ZBTB38: variants seen among roughly 807,000 people sequenced by gnomAD.
ZBTB38 encodes the protein zinc finger and BTB domain containing 38, also known as zinc finger and BTB domain-containing protein 38.
ZBTB38 carries 20 observed loss-of-function variants against 76.8 expected under a neutral mutation model. That is an observed-to-expected ratio of 0.26 (90% confidence interval 0.18 to 0.38). ZBTB38 has a LOEUF of 0.38. Among genes scored for constraint, ZBTB38 ranks in the 10% least tolerant of loss-of-function variants. The pLI is 1.00. For synonymous variants in ZBTB38, 504 were observed against 544.2 expected, an observed-to-expected ratio of 0.93 and a Z score of 1.03; for missense variants, 1,082 against 1,482.3, an observed-to-expected ratio of 0.73 and a Z score of 4.43.
At chr3:141,431,087 C>G (rs2077388841) in intron 5 of ZBTB38, among the ~76,000 whole-genome samples, 1 of 151,870 alleles carries the variant, frequency 6.6e-6, no homozygotes, top group African/African-American at 2.4e-5. Flanking sequence ...CTTTGGGAGG[C>G]CGAGGCAGGA....
intron 5 of ZBTB38, among the ~76,000 whole-genome samples, chr3:141,412,850 G>A (rs188010101): frequency 6.6e-5 from 10 of 151,940 alleles, no homozygotes; most frequent in Admixed American, 6.6e-5. Context: ...TGAAACACTG[G>A]CCAGAGTTTT....
chr3:141,419,962 G>A (rs575983475), intron 5 of ZBTB38, among the ~76,000 whole-genome samples: 1 of 152,286 alleles, frequency 6.6e-6, no homozygotes, highest in South Asian at 2.1e-4. Flanking sequence ...ACTCCAGCAT[G>A]GGCGACAAGA....
At chr3:141,402,492 C>CG (rs1952459548) in intron 4 of ZBTB38, 1 of 147,578 alleles carries the variant, frequency 6.8e-6, no homozygotes, top group African/African-American at 2.6e-5. Flanking sequence ...GGGGGCGGGG[C>CG]GGGGCGAGGC....
intron 5 of ZBTB38, among the ~76,000 whole-genome samples, chr3:141,432,554 C>T (rs1289530644): frequency 9.2e-5 from 14 of 152,274 alleles, no homozygotes; most frequent in Non-Finnish European, 2.1e-4. Context: ...TGTCTTAGAG[C>T]TTTACTAATA....
At chr3:141,329,866 C>G (rs757948718) in intron 1 of ZBTB38, among the ~76,000 whole-genome samples, 1 of 151,360 alleles carries the variant, frequency 6.6e-6, no homozygotes, top group Non-Finnish European at 1.5e-5. Flanking sequence ...CGGTGGCTCA[C>G]GCCTGTAATC....
At chr3:141,440,532 TAAA>T (rs2079889723) in intron 5 of ZBTB38, among the ~76,000 whole-genome samples, 1 of 152,228 alleles carries the variant, frequency 6.6e-6, no homozygotes. Context: ...CACTGAGAGT[TAAA>T]GAAGTATCAT....
At chr3:141,440,990 T>A (rs1000768509) in intron 5 of ZBTB38, among the ~76,000 whole-genome samples, 5 of 138,942 alleles carry the variant, frequency 3.6e-5, no homozygotes, top group African/African-American at 1.4e-4. Flanking sequence ...GCTGAGATCA[T>A]GCCATTGCAC....
At chr3:141,332,388 C>T (rs963950947) in intron 1 of ZBTB38, among the ~76,000 whole-genome samples, 8 of 152,138 alleles carry the variant, frequency 5.3e-5, no homozygotes, top group African/African-American at 1.9e-4. Context: ...TATTGAAATT[C>T]TGCTCTAGTC....
chr3:141,392,721 A>T (rs1001448727), intron 4 of ZBTB38: 5 of 152,182 alleles, frequency 3.3e-5, no homozygotes, highest in African/African-American at 1.2e-4. Context: ...CCACTTTTGC[A>T]TTCATGAGCA....
intron 4 of ZBTB38, among the ~76,000 whole-genome samples, chr3:141,399,870 G>A (rs1182011071): frequency 1.3e-5 from 2 of 152,062 alleles, no homozygotes; most frequent in Non-Finnish European, 2.9e-5. Context: ...AATGAATGAG[G>A]TAGGAAAGCC....
At chr3:141,440,727 T>A (rs2079944236) in intron 5 of ZBTB38, among the ~76,000 whole-genome samples, 1 of 152,098 alleles carries the variant, frequency 6.6e-6, no homozygotes, top group South Asian at 2.1e-4. Flanking sequence ...AATTAGTGAG[T>A]TGCTGTAAGC....
chr3:141,339,699 C>T (rs1490307730), intron 1 of ZBTB38, among the ~76,000 whole-genome samples: 5 of 152,166 alleles, frequency 3.3e-5, no homozygotes, highest in African/African-American at 1.2e-4. Context: ...ATTAGAAAGC[C>T]TGGCGTGGAG....
At chr3:141,419,928 A>C (rs1439877447) in intron 5 of ZBTB38, among the ~76,000 whole-genome samples, 1 of 152,196 alleles carries the variant, frequency 6.6e-6, no homozygotes, top group Non-Finnish European at 1.5e-5. Flanking sequence ...CGGAGGTTGC[A>C]GTGAGCCAAG....
intron 5 of ZBTB38, among the ~76,000 whole-genome samples, chr3:141,431,334 A>AT (rs1388591019): frequency 2.4e-5 from 3 of 124,580 alleles, no homozygotes; most frequent in Admixed American, 7.5e-5. Flanking sequence ...AAAAAAAAAA[A>AT]AAAAAAAATA....
At chr3:141,418,588 C>A (rs1029779708) in intron 5 of ZBTB38, among the ~76,000 whole-genome samples, 5 of 152,074 alleles carry the variant, frequency 3.3e-5, no homozygotes, top group Non-Finnish European at 5.9e-5. Context: ...ATAAAAGATT[C>A]AAAAAGGCCA....
chr3:141,421,018 A>G (rs1163613694), intron 5 of ZBTB38, among the ~76,000 whole-genome samples: 16 of 95,010 alleles, frequency 1.7e-4, no homozygotes, highest in African/African-American at 1.3e-3. Flanking sequence ...GAAGTTCAGG[A>G]AAAAAAAAAA....
chr3:141,361,165 AC>A (rs1386348998), intron 1 of ZBTB38, among the ~76,000 whole-genome samples: 1 of 152,062 alleles, frequency 6.6e-6, no homozygotes, highest in Non-Finnish European at 1.5e-5. Flanking sequence ...GAGTGTGATA[AC>A]CCCTTACCAC....
chr3:141,383,918 T>A (rs1455447331), intron 3 of ZBTB38, among the ~76,000 whole-genome samples: 1 of 152,342 alleles, frequency 6.6e-6, no homozygotes, highest in East Asian at 1.9e-4. Context: ...AAGCACGCAA[T>A]TTTTTTAAAT....
chr3:141,442,789 A>G lies in ZBTB38; in HGVS notation c.401A>G (p.Tyr134Cys), dbSNP rs761232441. 6.2e-6 allele frequency: 10 copies of G among 1,614,096 alleles called. No individual in the cohort carries two copies. The highest frequency in any genetic ancestry group is 1.3e-5 in the African/African-American group (1 of 74,936). ...AACTTCTCAAATTCCCCGGGTCCCT[A>G]TGTATTCTGTATTACTGAAAAGGGA... Reference protein sequence around the residue: ...DRNFSNSPGPYVFCITEKGVV... With the variant: ...DRNFSNSPGPCVFCITEKGVV... Residue 134 changes from tyrosine (Y) to cysteine (C), a missense_variant, in exon 6 of 6, where the codon TAT (tyrosine) becomes TGT (cysteine). Tyr to Cys is a radical substitution (Grantham distance 194, BLOSUM62 -2). Transcript: ENST00000321464. The surrounding 1 kb of genome is among the most constrained non-coding windows in gnomAD (Gnocchi z 6.4).
Sources: gnomAD v4.1 joint callset for allele counts (sites outside exome capture counted in the v4.1 genomes callset) on GRCh38, gnomAD v4.1.1 for gene constraint, Gnocchi (gnomAD v3.1) non-coding constraint, MANE v1.5 for transcripts, NCBI Gene and HGNC (gene_info 2026-07-23, HGNC 2026-07-21) for gene names.